OXSR1: variants seen among roughly 807,000 people sequenced by gnomAD.
OXSR1 encodes serine/threonine-protein kinase OSR1.
OXSR1 carries 24 observed loss-of-function variants against 79.8 expected under a neutral mutation model. The observed-to-expected ratio is 0.30, with a 90% confidence interval of 0.22 to 0.42. The LOEUF (loss-of-function observed/expected upper bound fraction) is 0.42. OXSR1 is among the 10% of genes least tolerant of loss of function. OXSR1 has a pLI of 1.00. For synonymous variants in OXSR1, 226 were observed against 209.2 expected, an observed-to-expected ratio of 1.08 and a Z score of -0.69; for missense variants, 430 against 618.4, an observed-to-expected ratio of 0.70 and a Z score of 3.23.
intron 16 of OXSR1, 135 bp downstream of exon 16, chr3:38,251,606 G>A (rs1301028017): frequency 7.0e-6 from 5 of 710,882 alleles, no homozygotes; most frequent in Non-Finnish European, 1.3e-5. Context: ...TGAAATTATA[G>A]GTAATGGGAC....
chr3:38,183,423 T>C (rs1372557015), intron 2 of OXSR1, among the ~76,000 whole-genome samples: 1 of 152,226 alleles, frequency 6.6e-6, no homozygotes, highest in Non-Finnish European at 1.5e-5. Flanking sequence ...ATAGAACTTT[T>C]TCTGTGTCTG....
chr3:38,164,297 C>G (rs1330033619), upstream of OXSR1, among the ~76,000 whole-genome samples: 1 of 152,184 alleles, frequency 6.6e-6, no homozygotes, highest in Non-Finnish European at 1.5e-5. Flanking sequence ...AGGCGCCAGC[C>G]ACCACGCCCA....
chr3:38,236,807 C>A, intron 10 of OXSR1, 32 bp from the exon 11 acceptor site: 2 of 1,539,978 alleles, frequency 1.3e-6, no homozygotes, highest in South Asian at 1.3e-5. Flanking sequence ...CATGAAATAC[C>A]ACCATAACCC....
At chr3:38,164,684 T>G (rs756691624), upstream of OXSR1, among the ~76,000 whole-genome samples, 6 of 152,056 alleles carry the variant, frequency 3.9e-5, no homozygotes, top group East Asian at 3.9e-4. Flanking sequence ...CGTGGGTCGA[T>G]CTCACTTGTT....
intron 2 of OXSR1, among the ~76,000 whole-genome samples, chr3:38,183,353 A>G (rs112827948): frequency 7.9e-5 from 12 of 152,140 alleles, no homozygotes; most frequent in African/African-American, 2.9e-4. Context: ...ACATTTGAAT[A>G]TATTTGTATT....
intron 1 of OXSR1, among the ~76,000 whole-genome samples, chr3:38,178,521 C>G (rs1411581599): frequency 1.3e-5 from 2 of 150,694 alleles, no homozygotes; most frequent in Non-Finnish European, 3.0e-5. Flanking sequence ...TCACTACAAC[C>G]TCTGCCTCCT....
chr3:38,230,474 T>G, intron 10 of OXSR1, 44 bp downstream of exon 10: 1 of 1,318,398 alleles, frequency 7.6e-7, no homozygotes. Context: ...ATTTACTTTA[T>G]TTTTGCATTT....
chr3:38,164,628 C>A (rs1575293813), upstream of OXSR1, among the ~76,000 whole-genome samples: 1 of 152,174 alleles, frequency 6.6e-6, no homozygotes, highest in Non-Finnish European at 1.5e-5. Context: ...GAAAACTGTT[C>A]AGTGGGGGCG....
intron 1 of OXSR1, among the ~76,000 whole-genome samples, chr3:38,167,642 A>T (rs555020298): frequency 2.3e-4 from 35 of 152,354 alleles, no homozygotes; most frequent in African/African-American, 8.4e-4. Context: ...AAAACAAAAC[A>T]AAACAACTCG....
At chr3:38,184,936 T>G (rs1032927685) in intron 2 of OXSR1, among the ~76,000 whole-genome samples, 1 of 111,356 alleles carries the variant, frequency 9.0e-6, no homozygotes, top group East Asian at 2.6e-4. Flanking sequence ...TTTTTTTTTT[T>G]TTTTTTTTTT....
At chr3:38,213,002 G>A (rs943483535) in intron 4 of OXSR1, among the ~76,000 whole-genome samples, 1 of 152,074 alleles carries the variant, frequency 6.6e-6, no homozygotes, top group Non-Finnish European at 1.5e-5. Context: ...TTGTACTTTT[G>A]GTTTCAAAAG....
At chr3:38,167,895 T>TG (rs1701498634) in intron 1 of OXSR1, among the ~76,000 whole-genome samples, 1 of 151,950 alleles carries the variant, frequency 6.6e-6, no homozygotes, top group East Asian at 1.9e-4. Context: ...AGAAGAGTTT[T>TG]TTTTTTTTTT....
chr3:38,169,370 A>G (rs905043878), intron 1 of OXSR1, among the ~76,000 whole-genome samples: 1 of 151,638 alleles, frequency 6.6e-6, no homozygotes, highest in Non-Finnish European at 1.5e-5. Context: ...CAGTGGTGCC[A>G]TCTCGGCTCA....
intron 2 of OXSR1, among the ~76,000 whole-genome samples, chr3:38,188,711 C>T (rs1232596853): frequency 6.6e-6 from 1 of 152,114 alleles, no homozygotes; most frequent in African/African-American, 2.4e-5. Flanking sequence ...GATCTAGTCC[C>T]AGGTAATTAA....
intron 1 of OXSR1, among the ~76,000 whole-genome samples, chr3:38,168,302 A>G (rs1394867706): frequency 6.6e-6 from 1 of 152,206 alleles, no homozygotes; most frequent in Non-Finnish European, 1.5e-5. Context: ...CCAGTTTTAG[A>G]ATATTTCCAT....
intron 1 of OXSR1, among the ~76,000 whole-genome samples, chr3:38,179,134 G>T (rs1478727856): frequency 6.6e-6 from 1 of 150,688 alleles, no homozygotes; most frequent in Non-Finnish European, 1.5e-5. Context: ...AGGCTCAAGC[G>T]ATCCTCCTAC....
chr3:38,198,612 C>T, intron 3 of OXSR1, 110 bp from the exon 4 acceptor site: 7 of 706,176 alleles, frequency 9.9e-6, no homozygotes, highest in Admixed American at 3.0e-5. Flanking sequence ...TTTTTCATTT[C>T]TGCACAGTTA....
intron 1 of OXSR1, among the ~76,000 whole-genome samples, chr3:38,166,593 C>T (rs530503533): frequency 6.4e-4 from 98 of 152,204 alleles, no homozygotes; most frequent in African/African-American, 2.3e-3. Flanking sequence ...GGGTTCGAGA[C>T]CAGCCTGGCC....
rs531477516 is a variant in OXSR1 at position 38,202,668 on chromosome 3, A to T, written c.434+3805A>T. On this transcript the variant is annotated intron_variant, in intron 4 of 17. Transcript: ENST00000311806. ...TTAGATATAGAGATGATCATGGACA[A>T]TTATCAATCATTATTATAAACATTA... is the stretch of plus-strand genomic sequence containing the variant. 7.2e-5 allele frequency among the ~76,000 whole-genome samples: 11 copies of T among 152,388 alleles called. 1 individual carries two copies. Among genetic ancestry groups the T allele is most frequent in the African/African-American group, 2.6e-4 (11 of 41,594 alleles).
Sources: gnomAD v4.1 joint callset for allele counts (sites outside exome capture counted in the v4.1 genomes callset) on GRCh38, gnomAD v4.1.1 for gene constraint, MANE v1.5 for transcripts, NCBI Gene and HGNC (gene_info 2026-07-23, HGNC 2026-07-21) for gene names.